The following CRMP1 variants were observed in gnomAD, a reference collection of about 807,000 sequenced individuals.
The protein encoded by CRMP1 is dihydropyrimidinase-related protein 1.
In CRMP1, 19 loss-of-function variants were observed where a neutral mutation model predicts 68.3. That is an observed-to-expected ratio of 0.28 (90% confidence interval 0.19 to 0.41). The LOEUF (loss-of-function observed/expected upper bound fraction) is 0.41. CRMP1 is among the 10% of genes least tolerant of loss of function. CRMP1 has a pLI of 1.00. For missense variants in CRMP1, 791 were observed against 967.4 expected (o/e 0.82, Z 2.42); for synonymous variants, 439 against 399.6 (o/e 1.10, Z -1.18).
intron 1 of CRMP1, among the ~76,000 whole-genome samples, chr4:5,874,152 A>G (rs1714648257): frequency 6.6e-6 from 1 of 152,190 alleles, no homozygotes; most frequent in Admixed American, 6.5e-5. Context: ...TCCTCTAGAA[A>G]ATATCCAAAA....
In CRMP1 at chr4:5,870,882, C is replaced by T. The variant is rs988098851; in HGVS notation, c.382-4126G>A. Among the ~76,000 whole-genome samples the T allele has an allele frequency of 2.0e-5, 3 of 152,102 alleles. No homozygotes were observed. The highest frequency in any genetic ancestry group is 4.4e-5 in the Non-Finnish European group (3 of 68,024). On this transcript the variant is annotated intron_variant, in intron 1 of 13. Coordinates refer to ENST00000324989, the MANE Select transcript of CRMP1 (RefSeq NM_001014809.3). This position sits in a 1 kb window ranked among gnomAD's most constrained non-coding sequence, Gnocchi z 6.0. ...CCACAAGCTGGCGTGCATGTTTCCC[C>T]GGCTCCAGAACAGGAAACATAAGTC...
At position 5,866,857 on chromosome 4, in the gene CRMP1, G is replaced by C; in HGVS notation, c.382-101C>G. On this transcript the variant is annotated intron_variant, in intron 1 of 13. Coordinates refer to ENST00000324989, the MANE Select transcript of CRMP1 (RefSeq NM_001014809.3). This position sits in a 1 kb window ranked among gnomAD's most constrained non-coding sequence, Gnocchi z 5.9. ...TAAGAATTATCAAATATTTTCAAAA[G>C]TAAAGGCATTTAACTTCCCCCGCCC... The C allele has an allele frequency of 1.2e-6, 1 of 828,912 alleles. No individual in the cohort carries two copies. The highest frequency in any genetic ancestry group is 2.1e-5 in the South Asian group (1 of 46,780). 51.3% of individuals were successfully genotyped at this position (828,912 alleles called of 1,614,324 possible). A position where few individuals can be genotyped will look rare whatever the true frequency, so the allele number is the denominator to read the frequency against.
chr4:5,888,336 C>T lies in CRMP1; in HGVS notation c.381+4253G>A. ...GTCTGACTGGAACCGGCGCTCTCGG[C>T]CCCGCTCCCAGCGGGCGCGCTGACA... On this transcript the variant is annotated intron_variant, in intron 1 of 13. Coordinates refer to ENST00000324989, the MANE Select transcript of CRMP1 (RefSeq NM_001014809.3). The surrounding 1 kb of genome is among the most constrained non-coding windows in gnomAD (Gnocchi z 6.4). 1.6e-6 allele frequency: 2 copies of T among 1,237,618 alleles called. No individual in the cohort carries two copies. Among genetic ancestry groups the T allele is most frequent in the Non-Finnish European group, 2.0e-6 (2 of 986,092 alleles). The allele number at this position is 1,237,618 out of a possible 1,614,324, so 76.7% of individuals were successfully genotyped here. A position where few individuals can be genotyped will look rare whatever the true frequency, so the allele number is the denominator to read the frequency against.
intron 6 of CRMP1, among the ~76,000 whole-genome samples, chr4:5,845,056 T>C (rs112362418): frequency 0.047 from 7,119 of 152,286 alleles, 224 homozygotes; most frequent in Middle Eastern, 0.088. Flanking sequence ...TGGCCAAAGA[T>C]GGATCTCACA....
At chr4:5,867,554 C>G (rs1469647109) in intron 1 of CRMP1, among the ~76,000 whole-genome samples, 1 of 152,194 alleles carries the variant, frequency 6.6e-6, no homozygotes, top group East Asian at 1.9e-4. Context: ...TTTCTTCCCC[C>G]ACAGTGCACA....
rs768146939 is a variant in CRMP1, at chr4:5,861,089, T to A, written c.592A>T (p.Thr198Ser). The change falls in exon 3 of 14, where the codon ACT (threonine) becomes TCT (serine). Residue 198 changes from threonine (T) to serine (S), a missense_variant. Thr to Ser is a moderately conservative substitution (Grantham distance 58). Around this residue, in one of 3 missense-constraint regions of CRMP1, gnomAD observed 594 missense variants for 763.6 expected, o/e 0.78. Transcript: ENST00000324989. This position sits in a 1 kb window ranked among gnomAD's most constrained non-coding sequence, Gnocchi z 6.0. ...CCTTGGAAGAAGTCATCAGCCGCAG[T>A]CATCCCCTGGGAGGGCTTCTGCAGG... Reference protein sequence around the residue: ...TYLQKPSQGMTAADDFFQGTR... With the variant: ...TYLQKPSQGMSAADDFFQGTR... The A allele has an allele frequency of 6.2e-7, 1 of 1,614,094 alleles. No individual in the cohort carries two copies. Among genetic ancestry groups the A allele is most frequent in the African/African-American group, 1.3e-5 (1 of 74,928 alleles).
rs1713497459 is a variant in CRMP1, at chr4:5,860,833, C to T, written c.655+193G>A. 6.6e-6 allele frequency among the ~76,000 whole-genome samples: 1 copy of T among 152,002 alleles called. No homozygotes were observed. Among genetic ancestry groups the T allele is most frequent in the Non-Finnish European group, 1.5e-5 (1 of 68,010 alleles). ...TATAAAACCGTATTGTTTATTAAGC[C>T]ATCTTCTGTGGCCCCAGTGGCACAC... On this transcript the variant is annotated intron_variant, in intron 3 of 13. Transcript: ENST00000324989. The surrounding 1 kb of genome is among the most constrained non-coding windows in gnomAD (Gnocchi z 4.2).
chr4:5,851,106 T>C (rs963020833), intron 5 of CRMP1, among the ~76,000 whole-genome samples: 6 of 152,184 alleles, frequency 3.9e-5, no homozygotes, highest in Non-Finnish European at 8.8e-5. Flanking sequence ...ACACCCAACA[T>C]CTGGAACATG....
chr4:5,827,476 C>T (rs984021818), intron 12 of CRMP1, among the ~76,000 whole-genome samples: 4 of 152,158 alleles, frequency 2.6e-5, no homozygotes, highest in South Asian at 4.1e-4. Context: ...CCTCCCAGTC[C>T]GGGCTGGAGC....
rs182480399 is a variant in CRMP1 at position 5,825,538 on chromosome 4, G to C, written c.1925C>G (p.Pro642Arg). 1 of 1,593,478 alleles carries C rather than the reference G, an allele frequency of 6.3e-7. No homozygotes were observed. The highest frequency in any genetic ancestry group is 1.4e-5 in the African/African-American group (1 of 73,578). ...CTGGTGGAGGTTTCTGATGGGTGGG[G>C]GCTGGTGTTTAGAAGGCGAAGATTT... ...SAKSSPSKHQ[P>R]PPIRNLHQSN... Residue 642 changes from proline (P) to arginine (R), a missense_variant, in exon 13 of 14, where the codon CCC (proline) becomes CGC (arginine). This residue lies in a region of CRMP1 where 594 missense variants were observed against 763.6 expected (regional missense o/e 0.78). Transcript: ENST00000324989. The surrounding 1 kb of genome is among the most constrained non-coding windows in gnomAD (Gnocchi z 4.4).
In CRMP1 at chr4:5,834,959, C is replaced by T. The variant is rs1003910135; in HGVS notation, c.1623+956G>A. On this transcript the variant is annotated intron_variant, in intron 11 of 13. Transcript: ENST00000324989. The surrounding 1 kb of genome is among the most constrained non-coding windows in gnomAD (Gnocchi z 4.3). ...GTGGCAGCCAATGGATACTCCAGGG[C>T]CATGGCCGTGAGCTGCTACAAGTGT... is the stretch of plus-strand genomic sequence containing the variant. Among the ~76,000 whole-genome samples, 15 of 152,178 alleles carry T rather than the reference C, an allele frequency of 9.9e-5. No individual in the cohort carries two copies. Among genetic ancestry groups the T allele is most frequent in the African/African-American group, 3.4e-4 (14 of 41,460 alleles).
rs1715978407 is a variant in CRMP1, at chr4:5,892,108, G to A, written c.381+481C>T. 6.6e-6 allele frequency among the ~76,000 whole-genome samples: 1 copy of A among 152,204 alleles called. No individual in the cohort carries two copies. The highest frequency in any genetic ancestry group is 2.4e-5 in the African/African-American group (1 of 41,452). ...CCAGCTTTAAGCTGTGTGGCCGCAG[G>A]CGACTCGCGGAACCTCTCCCGGGGC... On this transcript the variant is annotated intron_variant, in intron 1 of 13. Coordinates refer to ENST00000324989, the MANE Select transcript of CRMP1 (RefSeq NM_001014809.3). This position sits in a 1 kb window ranked among gnomAD's most constrained non-coding sequence, Gnocchi z 8.6.
rs886863506 is a variant in CRMP1 at position 5,841,592 on chromosome 4, G to C, written c.1033-164C>G. Among the ~76,000 whole-genome samples the C allele has an allele frequency of 6.6e-6, 1 of 152,194 alleles. No homozygotes were observed. Among genetic ancestry groups the C allele is most frequent in the Non-Finnish European group, 1.5e-5 (1 of 68,044 alleles). The stretch of plus-strand genomic sequence containing the variant: ...CTTGACAGTGCCCCCTGCTCTCCGG[G>C]GTGGAGCATTGGTCTCACGCTGGGA... On this transcript the variant is annotated intron_variant, in intron 7 of 13. Transcript: ENST00000324989. This position sits in a 1 kb window ranked among gnomAD's most constrained non-coding sequence, Gnocchi z 6.9.
At chr4:5,867,295 C>T (rs1482527255) in intron 1 of CRMP1, among the ~76,000 whole-genome samples, 1 of 152,204 alleles carries the variant, frequency 6.6e-6, no homozygotes, top group East Asian at 1.9e-4. Flanking sequence ...CCCCACAGCA[C>T]ACCTGCCTCA....
chr4:5,892,468 TC>T lies in CRMP1; in HGVS notation c.381+120del. 1 of 1,016,706 alleles carries T rather than the reference TC, an allele frequency of 9.8e-7. No homozygotes were observed. The highest frequency in any genetic ancestry group is 1.2e-6 in the Non-Finnish European group (1 of 820,412). 63.0% of individuals were successfully genotyped at this position (1,016,706 alleles called of 1,614,324 possible). On this transcript the variant is annotated intron_variant, in intron 1 of 13. Transcript: ENST00000324989. The surrounding 1 kb of genome is among the most constrained non-coding windows in gnomAD (Gnocchi z 8.6). ...TGGGGGAGGGGCCGCGCCGTGGCTC[TC>T]CCCAGCCTGGCGGCCGCTGCCCCAA...
chr4:5,855,421 C>T lies in CRMP1; in HGVS notation c.820+722G>A, dbSNP rs1712981651. ...TGGACAGATCGCTCATGCCCTGTCT[C>T]TTTCCATTCTGCTGTTCTTTGCTTC... On this transcript the variant is annotated intron_variant, in intron 4 of 13. Coordinates refer to ENST00000324989, the MANE Select transcript of CRMP1 (RefSeq NM_001014809.3). This position sits in a 1 kb window ranked among gnomAD's most constrained non-coding sequence, Gnocchi z 4.9. Among the ~76,000 whole-genome samples the T allele has an allele frequency of 6.6e-6, 1 of 152,228 alleles. No individual in the cohort carries two copies. The highest frequency in any genetic ancestry group is 6.5e-5 in the Admixed American group (1 of 15,278).
In CRMP1 at chr4:5,855,565, C is replaced by T. The variant is rs778456979; in HGVS notation, c.820+578G>A. Among the ~76,000 whole-genome samples, 17 of 152,220 alleles carry T rather than the reference C, an allele frequency of 1.1e-4. No homozygotes were observed. The highest frequency in any genetic ancestry group is 2.1e-4 in the Non-Finnish European group (14 of 68,046). Reference sequence around the variant, plus strand: ...AAGGTGGGAAGCAGGGACATATAGACGTGGTCCCCTCCCTCACAGAGCTCA... The same window carrying T: ...AAGGTGGGAAGCAGGGACATATAGATGTGGTCCCCTCCCTCACAGAGCTCA... On this transcript the variant is annotated intron_variant, in intron 4 of 13. Transcript: ENST00000324989. This position sits in a 1 kb window ranked among gnomAD's most constrained non-coding sequence, Gnocchi z 4.9.
chr4:5,825,880 C>A lies in CRMP1; in HGVS notation c.1804-221G>T. 1.9e-6 allele frequency: 1 copy of A among 513,100 alleles called. No homozygotes were observed. Among genetic ancestry groups the A allele is most frequent in the Non-Finnish European group, 3.5e-6 (1 of 287,942 alleles). The allele number at this position is 513,100 out of a possible 1,614,324, so 31.8% of individuals were successfully genotyped here. A position where few individuals can be genotyped will look rare whatever the true frequency, so the allele number is the denominator to read the frequency against. ...GCATGCATACACACACATCTACATA[C>A]CCACATGCATACACATACAGACGCA... On this transcript the variant is annotated intron_variant, in intron 12 of 13. Transcript: ENST00000324989. This position sits in a 1 kb window ranked among gnomAD's most constrained non-coding sequence, Gnocchi z 4.4.
chr4:5,876,777 A>G (rs1714868323), intron 1 of CRMP1, among the ~76,000 whole-genome samples: 1 of 148,608 alleles, frequency 6.7e-6, no homozygotes, highest in Non-Finnish European at 1.5e-5. Context: ...GCACGACAGC[A>G]TGGCCCAGCT....
Sources: gnomAD v4.1 joint callset for allele counts (sites outside exome capture counted in the v4.1 genomes callset) on GRCh38, gnomAD v4.1.1 for gene constraint, gnomAD v4.1.1 regional missense constraint, Gnocchi (gnomAD v3.1) non-coding constraint, MANE v1.5 for transcripts, NCBI Gene and HGNC (gene_info 2026-07-23, HGNC 2026-07-21) for gene names.